APLP2: variants seen among roughly 807,000 people sequenced by gnomAD.
The protein encoded by APLP2 is CDEI box-binding protein.
In APLP2, 53 loss-of-function variants were observed where a neutral mutation model predicts 89.9. The ratio of observed to expected loss-of-function variants is 0.59; its 90% CI spans 0.47 to 0.74. The LOEUF (loss-of-function observed/expected upper bound fraction) is 0.74, where lower values mean the gene tolerates loss of function less well. APLP2 is among the 30% of genes least tolerant of loss of function. APLP2 has a pLI of 0.00. For synonymous variants in APLP2, 372 were observed against 348.6 expected (o/e 1.07, Z -0.75); for missense variants, 973 against 975.9 (o/e 1.00, Z 0.04).
At chr11:130,121,562 G>A (rs1949819824) in intron 4 of APLP2, 52 bp from the exon 5 acceptor site, 1 of 1,531,718 alleles carries the variant, frequency 6.5e-7, no homozygotes, top group African/African-American at 1.4e-5. Flanking sequence ...GAGTGTATTT[G>A]ACCACGTTTA....
intron 1 of APLP2, among the ~76,000 whole-genome samples, chr11:130,093,505 C>A (rs1356376871): frequency 2.0e-5 from 3 of 152,070 alleles, no homozygotes; most frequent in Non-Finnish European, 4.4e-5. Context: ...TAGAAATCTT[C>A]CAGAAGGAGA....
chr11:130,095,559 G>A (rs2135600162), intron 1 of APLP2, among the ~76,000 whole-genome samples: 1 of 152,368 alleles, frequency 6.6e-6, no homozygotes, highest in South Asian at 2.1e-4. Flanking sequence ...CCTGATAGCT[G>A]TGGAAGCACA....
chr11:130,139,261 A>G (rs751664266), intron 13 of APLP2: 6 of 152,192 alleles, frequency 3.9e-5, no homozygotes, highest in East Asian at 1.9e-4. Flanking sequence ...ACAAGTTGCT[A>G]TGTGTTAAGA....
rs570138715 is a variant in APLP2, at chr11:130,119,389, T to C, written c.404-1317T>C. ...GAGTCTTGGGGTGATCATCCAGTGA[T>C]GTGTTGTATATTTCTAACTTTTTAT... On this transcript the variant is annotated intron_variant, in intron 3 of 16. Coordinates refer to ENST00000338167, the MANE Select transcript of APLP2 (RefSeq NM_001142276.2). Among the ~76,000 whole-genome samples the C allele has an allele frequency of 4.6e-5, 7 of 152,302 alleles. No homozygotes were observed. The South Asian group carries it at 1.4e-3, about 32-fold the overall frequency.
rs1950046978 is a variant in APLP2 at position 130,123,476 on chromosome 11, T to TC, written c.923-135dup. 7.8e-6 allele frequency: 7 copies of TC among 894,268 alleles called. No individual in the cohort carries two copies. The highest frequency in any genetic ancestry group is 1.2e-5 in the Non-Finnish European group (7 of 601,804). The allele number at this position is 894,268 out of a possible 1,614,324, so 55.4% of individuals were successfully genotyped here. A position where few individuals can be genotyped will look rare whatever the true frequency, so the allele number is the denominator to read the frequency against. ...GCAAGGCTGGCCTGAGCTGGAGCTT[T>TC]CGGCCACCGGGCCTCCAGGCTCCGT... On this transcript the variant is annotated intron_variant, in intron 6 of 16. Coordinates refer to ENST00000338167, the MANE Select transcript of APLP2 (RefSeq NM_001142276.2). The surrounding 1 kb of genome is among the most constrained non-coding windows in gnomAD (Gnocchi z 4.0).
chr11:130,074,431 G>A (rs1941737700), intron 1 of APLP2, among the ~76,000 whole-genome samples: 1 of 152,158 alleles, frequency 6.6e-6, no homozygotes, highest in South Asian at 2.1e-4. Flanking sequence ...GGCCAGGCTG[G>A]TTCCAAACTT....
chr11:130,072,561 C>A (rs1941321450), intron 1 of APLP2, among the ~76,000 whole-genome samples: 1 of 150,702 alleles, frequency 6.6e-6, no homozygotes, highest in African/African-American at 2.4e-5. Flanking sequence ...ACTGCAACTT[C>A]CGCCTTCCGA....
chr11:130,083,021 C>CTT lies in APLP2; in HGVS notation c.105+12942_105+12943dup, dbSNP rs1469566240. ...AAATATATTAACCACTGAAACTTTT[C>CTT]TTTTCTTTTTTTTTTTTTTTTTTTT... is the stretch of plus-strand genomic sequence containing the variant. On this transcript the variant is annotated intron_variant, in intron 1 of 16. Transcript: ENST00000338167. Among the ~76,000 whole-genome samples, 73 of 79,968 alleles carry CTT rather than the reference C, an allele frequency of 9.1e-4. 5 individuals are homozygous for CTT. Among genetic ancestry groups the CTT allele is most frequent in the East Asian group, 3.5e-3 (7 of 1,990 alleles). 52.5% of individuals were successfully genotyped at this position (79,968 alleles called of 152,430 possible).
intron 13 of APLP2, chr11:130,139,101 A>G (rs1018741083): frequency 1.3e-5 from 2 of 152,214 alleles, no homozygotes; most frequent in African/African-American, 4.8e-5. Context: ...CAGTATTGCT[A>G]TTTCATGGGC....
chr11:130,083,015 ACTTTT>A lies in APLP2; in HGVS notation c.105+12944_105+12948del, dbSNP rs1166337174. Among the ~76,000 whole-genome samples the A allele has an allele frequency of 1.0e-4, 14 of 133,374 alleles. 1 individual carries two copies. The highest frequency in any genetic ancestry group is 2.9e-4 in the African/African-American group (9 of 31,144). 87.5% of individuals were successfully genotyped at this position (133,374 alleles called of 152,430 possible). On this transcript the variant is annotated intron_variant, in intron 1 of 16. Coordinates refer to ENST00000338167, the MANE Select transcript of APLP2 (RefSeq NM_001142276.2). ...ATAACAAAATATATTAACCACTGAA[ACTTTT>A]CTTTTCTTTTTTTTTTTTTTTTTTT...
rs565957896 is a variant in APLP2, at chr11:130,119,448, C to T, written c.404-1258C>T. On this transcript the variant is annotated intron_variant, in intron 3 of 16. Transcript: ENST00000338167. ...ATTACAAACATGGCCAAACAAGAGA[C>T]GATGATACCGTTCACCCTCACGTAC... Among the ~76,000 whole-genome samples, 12 of 152,286 alleles carry T rather than the reference C, an allele frequency of 7.9e-5. No individual in the cohort carries two copies. The East Asian group carries it at 1.2e-3, about 15-fold the overall frequency.
At position 130,069,932 on chromosome 11, in the gene APLP2, G is replaced by C. The variant is rs1278349836; in HGVS notation, c.-46G>C. ...TCGCGGTGTGCTAAGCGAGGAGTCC[G>C]AGTGTGTGAGCTTGAGAGCCGCGCG... On this transcript the variant is annotated 5_prime_UTR_variant, in exon 1 of 17. Coordinates refer to ENST00000338167, the MANE Select transcript of APLP2 (RefSeq NM_001142276.2). The C allele has an allele frequency of 1.4e-6, 2 of 1,395,278 alleles. No individual in the cohort carries two copies. The highest frequency in any genetic ancestry group is 1.9e-6 in the Non-Finnish European group (2 of 1,037,838). 86.4% of individuals were successfully genotyped at this position (1,395,278 alleles called of 1,614,324 possible). A position where few individuals can be genotyped will look rare whatever the true frequency, so the allele number is the denominator to read the frequency against.
intron 4 of APLP2, 39 bp from the exon 5 acceptor site, chr11:130,121,575 C>G: frequency 6.4e-7 from 1 of 1,567,704 alleles, no homozygotes; most frequent in Non-Finnish European, 8.7e-7. Flanking sequence ...CACGTTTACT[C>G]TGGAGTATGT....
In APLP2 at chr11:130,128,994, T is replaced by C. The variant is rs1950649700; in HGVS notation, c.1297-54T>C. The C allele has an allele frequency of 8.3e-6, 13 of 1,572,794 alleles. No individual in the cohort carries two copies. The South Asian group carries it at 1.4e-4, about 17-fold the overall frequency. ...GCACTGGGGTCTCAGGGTGCTTGCT[T>C]AGGCTTCCTCTGGGTGCCACAAATC... On this transcript the variant is annotated intron_variant, in intron 9 of 16. Coordinates refer to ENST00000338167, the MANE Select transcript of APLP2 (RefSeq NM_001142276.2).
In APLP2 at chr11:130,111,777, T is replaced by G. The variant is rs73041264; in HGVS notation, c.403+1116T>G. ...TGGTGTGGTTTAAGGACGCTTTCTG[T>G]TCTGTTTGGCTCTGAGAAATCTCTA... On this transcript the variant is annotated intron_variant, in intron 3 of 16. Coordinates refer to ENST00000338167, the MANE Select transcript of APLP2 (RefSeq NM_001142276.2). 3.1e-3 allele frequency among the ~76,000 whole-genome samples: 475 copies of G among 152,332 alleles called. 2 individuals are homozygous for G. The highest frequency in any genetic ancestry group is 6.7e-3 in the Admixed American group (103 of 15,296).
At chr11:130,110,804 G>A (rs1948451827) in intron 3 of APLP2, 143 bp downstream of exon 3, 2 of 1,123,148 alleles carry the variant, frequency 1.8e-6, no homozygotes, top group South Asian at 1.7e-5. Context: ...TCTCTTAGGG[G>A]TGTTTGCTGG....
At chr11:130,090,471 G>C (rs1315824631) in intron 1 of APLP2, among the ~76,000 whole-genome samples, 1 of 151,092 alleles carries the variant, frequency 6.6e-6, no homozygotes, top group African/African-American at 2.4e-5. Flanking sequence ...GACTCTTAAC[G>C]AGCATGCTGC....
rs1398547463 is a variant in APLP2, at chr11:130,121,675, A to C, written c.578A>C (p.Asp193Ala). The change falls in exon 5 of 17, where the codon GAC becomes GCC. Residue 193 changes from aspartate to alanine, a missense_variant. Asp to Ala is a moderately radical substitution (Grantham distance 126). Coordinates refer to ENST00000338167, the MANE Select transcript of APLP2 (RefSeq NM_001142276.2). ...SYGMLLPCGV[D>A]QFHGTEYVCC... ...GGCATGCTGCTCCCATGTGGGGTAG[A>C]CCAGTTCCATGGCACTGAATATGTG... is the stretch of plus-strand genomic sequence containing the variant. The C allele has an allele frequency of 4.3e-6, 7 of 1,614,182 alleles. No individual in the cohort carries two copies. Among genetic ancestry groups the C allele is most frequent in the Non-Finnish European group, 5.9e-6 (7 of 1,180,028 alleles).
chr11:130,133,742 C>G lies in APLP2; in HGVS notation c.1684+14C>G, dbSNP rs146416639. 6.9e-4 allele frequency: 1,100 copies of G among 1,594,080 alleles called. 9 individuals carry two copies. In the African/African-American group the frequency reaches 0.013, roughly 19 times the overall value. ...AAGAGGAAATTGGTGGGTACCAGCTCTTTGTGTCAAGGTCATACGGGACTT... is the reference window on the plus strand; with the variant it reads ...AAGAGGAAATTGGTGGGTACCAGCTGTTTGTGTCAAGGTCATACGGGACTT... On this transcript the variant is annotated intron_variant, in intron 12 of 16. Transcript: ENST00000338167.
Sources: allele counts gnomAD v4.1 joint callset (sites outside exome capture counted in the v4.1 genomes callset), GRCh38; gene constraint gnomAD v4.1.1; non-coding constraint Gnocchi (gnomAD v3.1); transcripts MANE v1.5; gene names NCBI Gene and HGNC (gene_info 2026-07-23, HGNC 2026-07-21).